Variants in MPZL1 observed in about 807,000 individuals in gnomAD.
The protein encoded by MPZL1 is myelin protein zero like 1.
A neutral mutation model predicts 29.3 loss-of-function variants in MPZL1; 16 were observed. That is an observed-to-expected ratio of 0.55 (90% CI 0.37 to 0.83). The LOEUF is 0.83. Among genes scored for constraint, MPZL1 ranks in the 40% least tolerant of loss-of-function variants. The pLI, the probability that MPZL1 is intolerant of heterozygous loss-of-function variation, is 0.00. For missense variants in MPZL1, 279 were observed against 332.9 expected, an observed-to-expected ratio of 0.84 and a Z score of 1.26; for synonymous variants, 143 against 132.0, an observed-to-expected ratio of 1.08 and a Z score of -0.57.
intron 1 of MPZL1, among the ~76,000 whole-genome samples, chr1:167,744,706 T>G (rs914541812): frequency 7.1e-6 from 1 of 140,454 alleles, no homozygotes; most frequent in Non-Finnish European, 1.5e-5. Flanking sequence ...AAAAAGAACC[T>G]CCAAATAGCA....
At chr1:167,742,871 C>T (rs140488524) in intron 1 of MPZL1, among the ~76,000 whole-genome samples, 2,414 of 152,208 alleles carry the variant, frequency 0.016, 59 homozygotes, top group African/African-American at 0.055. Context: ...ATTATCCCAG[C>T]ACCAGTTGTT....
At chr1:167,744,659 G>A (rs1190017749) in intron 1 of MPZL1, among the ~76,000 whole-genome samples, 2 of 149,098 alleles carry the variant, frequency 1.3e-5, no homozygotes, top group Admixed American at 1.3e-4. Flanking sequence ...ACTCCAGCCT[G>A]GGCGAAAGAG....
chr1:167,777,975 A>G (rs1457139872), intron 5 of MPZL1, among the ~76,000 whole-genome samples: 1 of 152,244 alleles, frequency 6.6e-6, no homozygotes, highest in Non-Finnish European at 1.5e-5. Context: ...TTATGCTACA[A>G]CAAAATTCAT....
intron 1 of MPZL1, among the ~76,000 whole-genome samples, chr1:167,729,600 A>G (rs920412464): frequency 3.3e-5 from 5 of 152,196 alleles, no homozygotes; most frequent in African/African-American, 1.2e-4. Flanking sequence ...CCTAAGAGAA[A>G]TGTGGTAAAA....
At chr1:167,778,003 T>A (rs1312607631) in intron 5 of MPZL1, among the ~76,000 whole-genome samples, 1 of 152,156 alleles carries the variant, frequency 6.6e-6, no homozygotes, top group African/African-American at 2.4e-5. Context: ...CAATGTACAA[T>A]TTACAATGTC....
At chr1:167,734,123 G>T (rs1660327731) in intron 1 of MPZL1, among the ~76,000 whole-genome samples, 1 of 151,922 alleles carries the variant, frequency 6.6e-6, no homozygotes, top group Non-Finnish European at 1.5e-5. Context: ...AGGCATGGTG[G>T]TGGGCACCTG....
intron 5 of MPZL1, among the ~76,000 whole-genome samples, chr1:167,779,616 A>AATAATGACAGCATTTTATGAGGCT (rs1229223672): frequency 3.9e-5 from 6 of 152,176 alleles, no homozygotes; most frequent in Non-Finnish European, 5.9e-5. Flanking sequence ...TTACAGCAAA[A>AATAATGACAGCATTTTATGAGGCT]ATAATGACAG....
chr1:167,784,075 C>G (rs1255523557), intron 5 of MPZL1, among the ~76,000 whole-genome samples: 4 of 152,188 alleles, frequency 2.6e-5, no homozygotes, highest in African/African-American at 9.6e-5. Context: ...TAGTTAGAAG[C>G]AGGTCTCTTT....
chr1:167,767,738 A>G (rs1248054704), intron 2 of MPZL1, among the ~76,000 whole-genome samples: 4 of 144,214 alleles, frequency 2.8e-5, no homozygotes, highest in African/African-American at 1.0e-4. Flanking sequence ...TGGCCTTGGG[A>G]TCCACATGTC....
intron 1 of MPZL1, 120 bp downstream of exon 1, chr1:167,722,362 C>T (rs971655803): frequency 4.9e-6 from 6 of 1,223,852 alleles, no homozygotes; most frequent in Non-Finnish European, 6.1e-6. Context: ...GGAGGGGGCG[C>T]GGCCTGCGCT....
chr1:167,743,774 T>G (rs1660587301), intron 1 of MPZL1, among the ~76,000 whole-genome samples: 1 of 152,260 alleles, frequency 6.6e-6, no homozygotes, highest in South Asian at 2.1e-4. Flanking sequence ...TGGAAACTGC[T>G]GAATTCTTTT....
chr1:167,728,342 T>G (rs1252302213), intron 1 of MPZL1, among the ~76,000 whole-genome samples: 3 of 149,124 alleles, frequency 2.0e-5, no homozygotes, highest in Non-Finnish European at 4.4e-5. Context: ...ATTTTTTTTC[T>G]TTTTTTTCTT....
At chr1:167,735,480 C>T (rs527564000) in intron 1 of MPZL1, among the ~76,000 whole-genome samples, 1 of 152,236 alleles carries the variant, frequency 6.6e-6, no homozygotes, top group East Asian at 1.9e-4. Flanking sequence ...AGAAACAGAA[C>T]CAGCAAGATG....
chr1:167,722,103 C>T lies in MPZL1; in HGVS notation c.-49C>T. ...AAGCCGAGCCAACCTCAGCGGGGAC[C>T]CGGGCTCAGGGACGCGGCGGCGGCG... On this transcript the variant is annotated 5_prime_UTR_variant, in exon 1 of 6. Transcript: ENST00000359523. 2 of 1,232,974 alleles carry T rather than the reference C, an allele frequency of 1.6e-6. No individual in the cohort carries two copies. The highest frequency in any genetic ancestry group is 2.0e-6 in the Non-Finnish European group (2 of 988,214). The allele number at this position is 1,232,974 out of a possible 1,614,324, so 76.4% of individuals were successfully genotyped here.
chr1:167,767,946 A>G (rs1300861115), intron 2 of MPZL1, among the ~76,000 whole-genome samples: 1 of 151,550 alleles, frequency 6.6e-6, no homozygotes, highest in African/African-American at 2.4e-5. Flanking sequence ...TCTGCCCCCA[A>G]GAAATAAGAA....
chr1:167,781,015 C>CA (rs753757706), intron 5 of MPZL1, among the ~76,000 whole-genome samples: 30 of 152,080 alleles, frequency 2.0e-4, no homozygotes, highest in Non-Finnish European at 3.4e-4. Flanking sequence ...GGGATAAAGA[C>CA]AGACTTTTTA....
intron 2 of MPZL1, among the ~76,000 whole-genome samples, chr1:167,768,227 C>G (rs1313788426): frequency 1.3e-5 from 2 of 152,172 alleles, no homozygotes; most frequent in Non-Finnish European, 2.9e-5. Flanking sequence ...ATTAAAAGCT[C>G]ATTACAATTT....
At chr1:167,750,949 C>T (rs1293992293) in intron 1 of MPZL1, among the ~76,000 whole-genome samples, 1 of 152,156 alleles carries the variant, frequency 6.6e-6, no homozygotes, top group African/African-American at 2.4e-5. Context: ...TAGATTGCCC[C>T]TCATTCAAGT....
chr1:167,740,989 A>G (rs1026192757), intron 1 of MPZL1, among the ~76,000 whole-genome samples: 12 of 152,160 alleles, frequency 7.9e-5, no homozygotes, highest in African/African-American at 2.9e-4. Context: ...TCATGGCTGC[A>G]GTACACAGCA....
Sources: allele counts gnomAD v4.1 joint callset (sites outside exome capture counted in the v4.1 genomes callset), GRCh38; gene constraint gnomAD v4.1.1; transcripts MANE v1.5; gene names NCBI Gene and HGNC (gene_info 2026-07-23, HGNC 2026-07-21).